The following SNX29 variants were observed in gnomAD, a reference collection of about 807,000 sequenced individuals.
SNX29 encodes sorting nexin 29, also known as sorting nexin-29.
Under a neutral mutation model 102.1 loss-of-function variants are expected in SNX29, and 78 were observed. The ratio of observed to expected loss-of-function variants is 0.76; its 90% CI spans 0.64 to 0.92. SNX29 has a LOEUF of 0.92. SNX29 is among the 40% of genes least tolerant of loss of function. The pLI is 0.00. For synonymous variants in SNX29, 580 were observed against 414.5 expected, an observed-to-expected ratio of 1.40 and a Z score of -4.85; for missense variants, 1,280 against 1,061.7, an observed-to-expected ratio of 1.21 and a Z score of -2.86.
chr16:12,507,434 A>G (rs926389219), intron 19 of SNX29, among the ~76,000 whole-genome samples: 2 of 152,184 alleles, frequency 1.3e-5, no homozygotes, highest in African/African-American at 4.8e-5. Flanking sequence ...TTTTCCATAC[A>G]TGTTGGAATT....
At chr16:12,111,318 C>A (rs575594847) in intron 11 of SNX29, among the ~76,000 whole-genome samples, 70 of 152,316 alleles carry the variant, frequency 4.6e-4, no homozygotes, top group African/African-American at 1.6e-3. Flanking sequence ...AGCACAAAAT[C>A]CATGTTTTTG....
intron 19 of SNX29, among the ~76,000 whole-genome samples, chr16:12,522,780 A>T: frequency 6.6e-6 from 1 of 152,124 alleles, no homozygotes. Flanking sequence ...TTTCTGTATA[A>T]ATTACCCAGT....
At chr16:12,498,981 T>C (rs540407098) in intron 19 of SNX29, among the ~76,000 whole-genome samples, 1 of 152,292 alleles carries the variant, frequency 6.6e-6, no homozygotes, top group African/African-American at 2.4e-5. Context: ...ATAGCTCCTT[T>C]TGGACAGCTG....
Position 12,565,427 on chromosome 16 carries a change from C to A in SNX29, c.2319-3079C>A, listed in dbSNP as rs1320259638. Among the ~76,000 whole-genome samples the A allele has an allele frequency of 2.2e-5, 3 of 139,466 alleles. No individual in the cohort carries two copies. In the East Asian group the frequency reaches 7.3e-4, roughly 34 times the overall value. 91.5% of individuals were successfully genotyped at this position (139,466 alleles called of 152,430 possible). A position where few individuals can be genotyped will look rare whatever the true frequency, so the allele number is the denominator to read the frequency against. Reference sequence around the variant, plus strand: ...ACTTGTCCCAAATGAAGCCCATCCTCCCGTGGCCTCACCTGCCCCCTCCTC... The same window carrying A: ...ACTTGTCCCAAATGAAGCCCATCCTACCGTGGCCTCACCTGCCCCCTCCTC... On this transcript the variant is annotated intron_variant, in intron 20 of 20. Transcript: ENST00000566228.
intron 16 of SNX29, among the ~76,000 whole-genome samples, chr16:12,364,296 C>T (rs2082395166): frequency 6.6e-6 from 1 of 152,112 alleles, no homozygotes; most frequent in Admixed American, 6.6e-5. Context: ...CTGCTTTGGC[C>T]TCCCAAATTG....
intron 11 of SNX29, among the ~76,000 whole-genome samples, chr16:12,115,675 T>G (rs910269023): frequency 7.2e-5 from 11 of 152,232 alleles, no homozygotes; most frequent in Non-Finnish European, 1.5e-4. Context: ...TAGGCTCCAC[T>G]ATGCACGGTT....
intron 19 of SNX29, among the ~76,000 whole-genome samples, chr16:12,492,353 C>G (rs2088593861): frequency 6.6e-6 from 1 of 152,152 alleles, no homozygotes; most frequent in Non-Finnish European, 1.5e-5. Flanking sequence ...TGTTCATATC[C>G]TTCGCCCACT....
At chr16:12,095,891 C>G (rs2052746464) in intron 11 of SNX29, among the ~76,000 whole-genome samples, 1 of 152,148 alleles carries the variant, frequency 6.6e-6, no homozygotes, top group Admixed American at 6.5e-5. Context: ...TTCCTCTTGG[C>G]TATTATTGGA....
chr16:12,572,574 C>G lies in SNX29; in HGVS notation c.*3945C>G, dbSNP rs1052962698. The G allele has an allele frequency of 1.9e-6, 2 of 1,064,128 alleles. No homozygotes were observed. Among genetic ancestry groups the G allele is most frequent in the Admixed American group, 5.3e-5 (1 of 18,702 alleles). The allele number at this position is 1,064,128 out of a possible 1,614,324, so 65.9% of individuals were successfully genotyped here. ...CTGGCTCCTCACAGGGAGGTCCAGC[C>G]ATGTTCTCTGGGCTCCCAGTGAGCC... is the stretch of plus-strand genomic sequence containing the variant. On this transcript the variant is annotated 3_prime_UTR_variant, in exon 21 of 21. Transcript: ENST00000566228.
intron 19 of SNX29, among the ~76,000 whole-genome samples, chr16:12,512,424 C>T (rs1260416668): frequency 2.2e-5 from 2 of 89,834 alleles, no homozygotes; most frequent in Non-Finnish European, 4.8e-5. Flanking sequence ...ATATAGTTTT[C>T]GGTTTTTGAG....
intron 15 of SNX29, among the ~76,000 whole-genome samples, chr16:12,326,592 T>C (rs895473824): frequency 1.3e-5 from 2 of 152,196 alleles, no homozygotes; most frequent in Non-Finnish European, 2.9e-5. Flanking sequence ...GAAAACTTTA[T>C]GTGCAAAAAC....
chr16:12,549,144 T>C (rs1373710593), intron 20 of SNX29, among the ~76,000 whole-genome samples: 1 of 151,894 alleles, frequency 6.6e-6, no homozygotes, highest in African/African-American at 2.4e-5. Context: ...TAGTTTTGAT[T>C]TAGCAGTTAT....
chr16:12,536,068 A>G (rs369683027), intron 20 of SNX29, among the ~76,000 whole-genome samples: 42 of 152,108 alleles, frequency 2.8e-4, no homozygotes, highest in African/African-American at 8.7e-4. Flanking sequence ...GTCTTCATTC[A>G]TCTAACACAC....
intron 16 of SNX29, among the ~76,000 whole-genome samples, chr16:12,370,865 A>G (rs1456630533): frequency 6.6e-6 from 1 of 152,106 alleles, no homozygotes; most frequent in African/African-American, 2.4e-5. Context: ...GGGAATAGAT[A>G]TGTTTTGGTA....
At chr16:12,418,113 G>T (rs879911262) in intron 18 of SNX29, among the ~76,000 whole-genome samples, 1 of 152,080 alleles carries the variant, frequency 6.6e-6, no homozygotes, top group Non-Finnish European at 1.5e-5. Flanking sequence ...CATGACTACC[G>T]AGTCACTCCT....
intron 18 of SNX29, among the ~76,000 whole-genome samples, chr16:12,468,714 A>AT (rs1442815366): frequency 2.6e-5 from 4 of 152,208 alleles, no homozygotes; most frequent in Non-Finnish European, 5.9e-5. Context: ...GGAGCTTGGT[A>AT]TACAACAGGC....
intron 18 of SNX29, among the ~76,000 whole-genome samples, chr16:12,428,869 C>G (rs1247667154): frequency 6.6e-6 from 1 of 152,228 alleles, no homozygotes; most frequent in African/African-American, 2.4e-5. Flanking sequence ...TCTAGTTAGT[C>G]TCACCACACA....
intron 11 of SNX29, chr16:12,081,501 T>C (rs1202350578): frequency 6.6e-6 from 1 of 151,324 alleles, no homozygotes; most frequent in Non-Finnish European, 1.5e-5. Flanking sequence ...TTGACTTCAG[T>C]TGAGGACAAC....
At chr16:12,513,975 C>G (rs556601017) in intron 19 of SNX29, among the ~76,000 whole-genome samples, 1 of 152,324 alleles carries the variant, frequency 6.6e-6, no homozygotes, top group South Asian at 2.1e-4. Flanking sequence ...CTGCTCAGGC[C>G]TGGGTGCTGG....
Sources: allele counts gnomAD v4.1 joint callset (sites outside exome capture counted in the v4.1 genomes callset), GRCh38; gene constraint gnomAD v4.1.1; transcripts MANE v1.5; gene names NCBI Gene and HGNC (gene_info 2026-07-23, HGNC 2026-07-21).